SIL1: variants seen among roughly 807,000 people sequenced by gnomAD.
The protein encoded by SIL1 is SIL1 nucleotide exchange factor.
SIL1 carries 40 observed loss-of-function variants against 49.1 expected under a neutral mutation model. The ratio of observed to expected loss-of-function variants is 0.81; its 90% CI spans 0.63 to 1.06. The LOEUF (loss-of-function observed/expected upper bound fraction) is 1.06, where lower values mean the gene tolerates loss of function less well. SIL1 is among the 50% of genes least tolerant of loss of function. The pLI, the probability that SIL1 is intolerant of heterozygous loss-of-function variation, is 0.00. For synonymous variants in SIL1, 253 were observed against 250.8 expected, an observed-to-expected ratio of 1.01 and a Z score of -0.08; for missense variants, 500 against 572.6, an observed-to-expected ratio of 0.87 and a Z score of 1.29.
At chr5:138,963,543 G>A (rs746413467) in intron 7 of SIL1, among the ~76,000 whole-genome samples, 11 of 152,252 alleles carry the variant, frequency 7.2e-5, no homozygotes, top group East Asian at 1.9e-4. Flanking sequence ...GAAATACTTC[G>A]TTTACAGGAT....
chr5:139,045,403 A>G (rs929902985), intron 4 of SIL1, among the ~76,000 whole-genome samples: 1 of 151,988 alleles, frequency 6.6e-6, no homozygotes, highest in Non-Finnish European at 1.5e-5. Flanking sequence ...CCTCACTCTC[A>G]TGGCTCTTCC....
intron 8 of SIL1, 130 bp from the exon 9 acceptor site, chr5:138,951,465 A>G: frequency 1.1e-6 from 1 of 921,126 alleles, no homozygotes; most frequent in Non-Finnish European, 1.6e-6. Context: ...TTACAGCTAT[A>G]CCCCAGAACC....
At chr5:139,075,856 G>A (rs1769937611) in intron 3 of SIL1, among the ~76,000 whole-genome samples, 1 of 152,144 alleles carries the variant, frequency 6.6e-6, no homozygotes. Flanking sequence ...CAGGCATCTG[G>A]ACTTCACAAT....
chr5:139,106,553 T>C (rs1770716696), intron 3 of SIL1, among the ~76,000 whole-genome samples: 1 of 152,220 alleles, frequency 6.6e-6, no homozygotes, highest in African/African-American at 2.4e-5. Flanking sequence ...TTTTTAGCAT[T>C]GATTTTTTTT....
intron 5 of SIL1, among the ~76,000 whole-genome samples, chr5:139,028,991 A>G (rs1581042272): frequency 6.6e-6 from 1 of 152,236 alleles, no homozygotes; most frequent in African/African-American, 2.4e-5. Context: ...CATTTAAAAA[A>G]TGTTATATAC....
At chr5:139,143,071 C>A (rs1455412231) in intron 1 of SIL1, among the ~76,000 whole-genome samples, 6 of 151,674 alleles carry the variant, frequency 4.0e-5, no homozygotes, top group Admixed American at 4.0e-4. Flanking sequence ...CCCGGCCACC[C>A]ACTTTCACCA....
At chr5:139,152,620 T>C (rs1222889853) in intron 1 of SIL1, among the ~76,000 whole-genome samples, 3 of 139,828 alleles carry the variant, frequency 2.1e-5, no homozygotes, top group African/African-American at 8.0e-5. Flanking sequence ...GACAACATCT[T>C]GGGAAAAAAA....
chr5:139,147,565 AGAG>A (rs1751217600), intron 1 of SIL1, among the ~76,000 whole-genome samples: 1 of 152,204 alleles, frequency 6.6e-6, no homozygotes, highest in African/African-American at 2.4e-5. Context: ...TCAGCACTCC[AGAG>A]GAGGAGAGCA....
intron 3 of SIL1, among the ~76,000 whole-genome samples, chr5:139,078,225 C>T (rs1769995612): frequency 6.6e-6 from 1 of 152,122 alleles, no homozygotes; most frequent in South Asian, 2.1e-4. Flanking sequence ...GAGAGGATCT[C>T]TTGGGTCCAA....
chr5:138,955,431 G>C (rs997492524), intron 7 of SIL1, among the ~76,000 whole-genome samples: 1 of 152,184 alleles, frequency 6.6e-6, no homozygotes, highest in Non-Finnish European at 1.5e-5. Context: ...GGGTGGGGCA[G>C]GCTGCAAAAA....
chr5:139,012,618 G>A (rs560006711), intron 7 of SIL1: 6 of 152,190 alleles, frequency 3.9e-5, no homozygotes, highest in African/African-American at 1.2e-4. Context: ...TCCCAATTAT[G>A]TCATGATTTT....
At chr5:139,032,833 T>C (rs1408268570) in intron 5 of SIL1, 1 of 152,208 alleles carries the variant, frequency 6.6e-6, no homozygotes, top group Non-Finnish European at 1.5e-5. Flanking sequence ...AGTTATCAAA[T>C]TTATATGCAT....
intron 7 of SIL1, 23 bp downstream of exon 7, chr5:139,021,148 G>A: frequency 6.2e-7 from 1 of 1,614,070 alleles, no homozygotes; most frequent in Non-Finnish European, 8.5e-7. Flanking sequence ...TCTGGCCATT[G>A]GGACGTCCAT....
intron 7 of SIL1, among the ~76,000 whole-genome samples, chr5:138,983,231 G>T (rs1485524121): frequency 6.9e-6 from 1 of 145,934 alleles, no homozygotes; most frequent in Admixed American, 6.9e-5. Context: ...AAAAAAGGCC[G>T]GGCGCGGTGG....
At chr5:139,067,751 A>G (rs573510207) in intron 3 of SIL1, among the ~76,000 whole-genome samples, 6 of 152,262 alleles carry the variant, frequency 3.9e-5, no homozygotes, top group Non-Finnish European at 8.8e-5. Context: ...AACTGTAGGT[A>G]AGGATAAATT....
chr5:139,061,545 T>A (rs1451197369), intron 3 of SIL1, among the ~76,000 whole-genome samples: 1 of 152,230 alleles, frequency 6.6e-6, no homozygotes, highest in Non-Finnish European at 1.5e-5. Context: ...CTAGCCAAAT[T>A]CCTTTATGTT....
chr5:139,009,399 G>T (rs1419728590), intron 7 of SIL1, among the ~76,000 whole-genome samples: 3 of 147,974 alleles, frequency 2.0e-5, no homozygotes, highest in Non-Finnish European at 4.5e-5. Context: ...ACACTGATGG[G>T]TCTTGACTCT....
At chr5:139,016,866 T>C (rs58240059) in intron 7 of SIL1, 72,957 of 151,734 alleles carry the variant, frequency 0.48, 19,399 homozygotes, top group African/African-American at 0.73. Context: ...TTTTCCCCCC[T>C]GACAGGGCCT....
chr5:139,154,670 C>T (rs966640902), intron 1 of SIL1, among the ~76,000 whole-genome samples: 4 of 152,176 alleles, frequency 2.6e-5, no homozygotes, highest in African/African-American at 7.2e-5. Context: ...ACCCCCACCC[C>T]GAAAGCCTCT....
Sources: allele counts gnomAD v4.1 joint callset (sites outside exome capture counted in the v4.1 genomes callset), GRCh38; gene constraint gnomAD v4.1.1; transcripts MANE v1.5; gene names NCBI Gene and HGNC (gene_info 2026-07-23, HGNC 2026-07-21).